RPS6KC1: variants seen among roughly 807,000 people sequenced by gnomAD.
The protein encoded by RPS6KC1 is ribosomal protein S6 kinase C1, also known as inactive ribosomal protein S6 kinase delta-1.
Under a neutral mutation model 103.8 loss-of-function variants are expected in RPS6KC1, and 54 were observed. The ratio of observed to expected loss-of-function variants is 0.52; its 90% CI spans 0.42 to 0.65. RPS6KC1 has a LOEUF of 0.65. Among genes scored for constraint, RPS6KC1 ranks in the 30% least tolerant of loss-of-function variants. The probability of loss-of-function intolerance (pLI) is 0.00; values close to 1 mark genes in which losing one functional copy is unlikely to be tolerated. For synonymous variants in RPS6KC1, 439 were observed against 438.7 expected (o/e 1.00, Z -0.01); for missense variants, 1,151 against 1,253.8 (o/e 0.92, Z 1.24).
the RPS6KC1 span, among the ~76,000 whole-genome samples, chr1:213,307,966 C>T: frequency 6.6e-6 from 1 of 152,112 alleles, no homozygotes; most frequent in East Asian, 1.9e-4. Flanking sequence ...TCTGTGCCAG[C>T]CTTGAGTGGT....
chr1:213,509,241 G>A, the RPS6KC1 span, among the ~76,000 whole-genome samples: 1 of 152,100 alleles, frequency 6.6e-6, no homozygotes, highest in Non-Finnish European at 1.5e-5. Flanking sequence ...GGGTATTAAG[G>A]CAAGGAAGGA....
the RPS6KC1 span, among the ~76,000 whole-genome samples, chr1:213,443,750 T>A: frequency 6.6e-6 from 1 of 152,048 alleles, no homozygotes; most frequent in Non-Finnish European, 1.5e-5. Context: ...ACCCCGTCTC[T>A]ACTAAAAATA....
chr1:213,263,824 T>A (rs1573698762), intron 14 of RPS6KC1, among the ~76,000 whole-genome samples: 1 of 152,164 alleles, frequency 6.6e-6, no homozygotes, highest in East Asian at 1.9e-4. Context: ...AAAAATACTG[T>A]GGCAAGTCAA....
At chr1:213,207,242 AT>A (rs1051846697) in intron 8 of RPS6KC1, among the ~76,000 whole-genome samples, 11 of 152,126 alleles carry the variant, frequency 7.2e-5, no homozygotes, top group Admixed American at 5.2e-4. Context: ...TGTGGGGGAG[AT>A]TTGCATCCCT....
At chr1:213,438,455 C>G in the RPS6KC1 span, among the ~76,000 whole-genome samples, 2 of 152,106 alleles carry the variant, frequency 1.3e-5, no homozygotes, top group Non-Finnish European at 2.9e-5. Context: ...GCAAATTACT[C>G]TGAGTCAATT....
At chr1:213,530,125 A>C in the RPS6KC1 span, among the ~76,000 whole-genome samples, 4 of 152,064 alleles carry the variant, frequency 2.6e-5, no homozygotes, top group African/African-American at 9.7e-5. Context: ...ATATGTATAC[A>C]TGTGCCATGT....
chr1:213,187,092 G>A (rs1348269174), intron 8 of RPS6KC1, among the ~76,000 whole-genome samples: 1 of 151,888 alleles, frequency 6.6e-6, no homozygotes, highest in African/African-American at 2.4e-5. Context: ...GTAGAGATGG[G>A]GGTCTTCCTA....
intron 14 of RPS6KC1, among the ~76,000 whole-genome samples, chr1:213,266,545 C>A (rs1449583497): frequency 2.0e-5 from 3 of 152,038 alleles, no homozygotes; most frequent in East Asian, 1.9e-4. Flanking sequence ...TGGTAAAAAA[C>A]CAGTCATTTC....
the RPS6KC1 span, among the ~76,000 whole-genome samples, chr1:213,702,155 T>A: frequency 6.6e-6 from 1 of 152,020 alleles, no homozygotes; most frequent in African/African-American, 2.4e-5. Context: ...ATTTTCTTTT[T>A]AATTTTTTTC....
At chr1:213,349,185 C>G in the RPS6KC1 span, among the ~76,000 whole-genome samples, 3 of 151,910 alleles carry the variant, frequency 2.0e-5, no homozygotes. Context: ...TTTTTCCTTT[C>G]TAAGTAAAGA....
intron 8 of RPS6KC1, among the ~76,000 whole-genome samples, chr1:213,205,046 T>A (rs1390868349): frequency 6.6e-6 from 1 of 152,152 alleles, no homozygotes; most frequent in African/African-American, 2.4e-5. Flanking sequence ...TTGTGAGCAT[T>A]GTACTACTCC....
chr1:213,602,110 T>TTCTCTC, the RPS6KC1 span, among the ~76,000 whole-genome samples: 26 of 39,310 alleles, frequency 6.6e-4, 5 homozygotes, highest in Non-Finnish European at 8.3e-4. Context: ...CTTTCTTTCT[T>TTCTCTC]TCTTTCTTTC....
At chr1:213,461,617 A>G in the RPS6KC1 span, among the ~76,000 whole-genome samples, 8 of 152,218 alleles carry the variant, frequency 5.3e-5, no homozygotes, top group African/African-American at 9.6e-5. Flanking sequence ...GGCCTCAGAA[A>G]TAATACCACA....
At chr1:213,566,254 TG>T in the RPS6KC1 span, among the ~76,000 whole-genome samples, 1 of 152,028 alleles carries the variant, frequency 6.6e-6, no homozygotes, top group South Asian at 2.1e-4. Flanking sequence ...AATGGACTGT[TG>T]TCAGTCTAAT....
chr1:213,100,115 C>A (rs927548576), intron 3 of RPS6KC1, among the ~76,000 whole-genome samples: 1 of 152,178 alleles, frequency 6.6e-6, no homozygotes, highest in African/African-American at 2.4e-5. Flanking sequence ...CACACTCTTA[C>A]CAACATTGGG....
intron 3 of RPS6KC1, among the ~76,000 whole-genome samples, chr1:213,089,469 T>G (rs1168965530): frequency 4.6e-5 from 7 of 152,026 alleles, no homozygotes; most frequent in South Asian, 4.1e-4. Context: ...CTGTTTGTTT[T>G]TTTTTTTTTA....
chr1:213,579,032 C>G, the RPS6KC1 span, among the ~76,000 whole-genome samples: 1 of 152,066 alleles, frequency 6.6e-6, no homozygotes, highest in East Asian at 1.9e-4. Context: ...TGGGAGGGAC[C>G]CTGGTGGGAG....
chr1:213,076,717 TG>T (rs1320194633), intron 2 of RPS6KC1, among the ~76,000 whole-genome samples: 1 of 152,162 alleles, frequency 6.6e-6, no homozygotes, highest in Non-Finnish European at 1.5e-5. Context: ...GATGATATTT[TG>T]TTTTTTAAAA....
chr1:213,194,509 A>G (rs2092866216), intron 8 of RPS6KC1, among the ~76,000 whole-genome samples: 1 of 152,130 alleles, frequency 6.6e-6, no homozygotes, highest in Non-Finnish European at 1.5e-5. Flanking sequence ...GCTTGCAAGT[A>G]CTGCCTTATA....
Sources: allele counts gnomAD v4.1 joint callset (sites outside exome capture counted in the v4.1 genomes callset), GRCh38; gene constraint gnomAD v4.1.1; transcripts MANE v1.5; gene names NCBI Gene and HGNC (gene_info 2026-07-23, HGNC 2026-07-21).